ADK: variants seen among roughly 807,000 people sequenced by gnomAD.
ADK encodes adenosine kinase, also known as N6,N6-dimethyladenosine kinase.
A neutral mutation model predicts 44.7 loss-of-function variants in ADK; 24 were observed. That is an observed-to-expected ratio of 0.54 (90% CI 0.39 to 0.76). The LOEUF is 0.76. Among genes scored for constraint, ADK ranks in the 30% least tolerant of loss-of-function variants. The pLI, the probability that ADK is intolerant of heterozygous loss-of-function variation, is 0.00. For missense variants in ADK, 321 were observed against 425.1 expected (o/e 0.76, Z 2.15); for synonymous variants, 128 against 142.6 (o/e 0.90, Z 0.73).
intron 4 of ADK, among the ~76,000 whole-genome samples, chr10:74,332,687 T>C (rs1036293173): frequency 3.9e-5 from 6 of 152,172 alleles, no homozygotes; most frequent in Non-Finnish European, 7.4e-5. Context: ...GAACAAAATA[T>C]TGCACAACAA....
intron 6 of ADK, among the ~76,000 whole-genome samples, chr10:74,400,085 C>T (rs10740432): frequency 0.65 from 98,561 of 151,910 alleles, 33,246 homozygotes; most frequent in Middle Eastern, 0.8. Context: ...TGGAGTTTTA[C>T]AGTAGTATTA....
chr10:74,504,343 A>G (rs964021965), intron 6 of ADK, among the ~76,000 whole-genome samples: 3 of 152,004 alleles, frequency 2.0e-5, no homozygotes, highest in African/African-American at 7.2e-5. Context: ...ATAAGCATAC[A>G]TATTCATTTA....
intron 3 of ADK, among the ~76,000 whole-genome samples, chr10:74,296,386 A>G (rs1564638653): frequency 2.0e-5 from 3 of 152,148 alleles, no homozygotes; most frequent in South Asian, 4.1e-4. Flanking sequence ...AAAAGTTAAT[A>G]TTAATGGCAG....
At chr10:74,176,615 C>G in intron 1 of ADK, 1 of 1,391,806 alleles carries the variant, frequency 7.2e-7, no homozygotes, top group South Asian at 1.6e-5. Context: ...CGCCAGTGAG[C>G]TGGCACGAGA....
intron 10 of ADK, among the ~76,000 whole-genome samples, chr10:74,707,690 G>A (rs2131803630): frequency 6.6e-6 from 1 of 150,784 alleles, no homozygotes; most frequent in South Asian, 2.1e-4. Flanking sequence ...TTGAACCTGG[G>A]AGGCAGAGAT....
intron 6 of ADK, among the ~76,000 whole-genome samples, chr10:74,468,948 GGTGT>G (rs1380830764): frequency 6.6e-6 from 1 of 151,732 alleles, no homozygotes; most frequent in Non-Finnish European, 1.5e-5. Context: ...CTAGACAAGG[GGTGT>G]GTGTGTATGT....
intron 9 of ADK, among the ~76,000 whole-genome samples, chr10:74,650,420 G>A (rs527258615): frequency 6.6e-6 from 1 of 152,138 alleles, no homozygotes; most frequent in South Asian, 2.1e-4. Context: ...CTCAAAAAAA[G>A]TAATAATAAT....
chr10:74,192,473 G>A (rs1245908327), intron 1 of ADK, among the ~76,000 whole-genome samples: 2 of 151,270 alleles, frequency 1.3e-5, no homozygotes, highest in African/African-American at 2.4e-5. Context: ...TGATCCGCCC[G>A]CCTCGGCCTC....
chr10:74,408,368 C>T (rs1348862366), intron 6 of ADK, among the ~76,000 whole-genome samples: 1 of 152,162 alleles, frequency 6.6e-6, no homozygotes, highest in East Asian at 1.9e-4. Context: ...ACAATGTATT[C>T]ATTTTAAACT....
At chr10:74,566,991 T>C (rs1449405430) in intron 7 of ADK, among the ~76,000 whole-genome samples, 3 of 152,348 alleles carry the variant, frequency 2.0e-5, no homozygotes. Flanking sequence ...CATTGAATTT[T>C]AGAGTTAGAA....
intron 1 of ADK, chr10:74,176,737 C>A: frequency 1.3e-6 from 2 of 1,512,218 alleles, no homozygotes; most frequent in South Asian, 1.2e-5. Context: ...GCCGCCCGCG[C>A]GCGGGGTGTG....
At chr10:74,470,875 C>CT (rs763719333) in intron 6 of ADK, among the ~76,000 whole-genome samples, 14 of 151,850 alleles carry the variant, frequency 9.2e-5, no homozygotes, top group Non-Finnish European at 2.1e-4. Flanking sequence ...TGCTGTGAAA[C>CT]TTTTTTCTCC....
chr10:74,618,620 T>C (rs1852865350), intron 9 of ADK, among the ~76,000 whole-genome samples: 1 of 152,182 alleles, frequency 6.6e-6, no homozygotes, highest in African/African-American at 2.4e-5. Flanking sequence ...TCTGAAAGTT[T>C]CCTTTTGCCT....
intron 4 of ADK, among the ~76,000 whole-genome samples, chr10:74,385,616 A>G (rs540396653): frequency 6.6e-6 from 1 of 152,332 alleles, no homozygotes; most frequent in South Asian, 2.1e-4. Context: ...ATGAATATAC[A>G]CTAAAAATTC....
chr10:74,442,736 A>G (rs943306703), intron 6 of ADK, among the ~76,000 whole-genome samples: 3 of 152,316 alleles, frequency 2.0e-5, no homozygotes, highest in Non-Finnish European at 4.4e-5. Flanking sequence ...CATTATTCAC[A>G]ATAGTCAAAA....
intron 6 of ADK, among the ~76,000 whole-genome samples, chr10:74,411,273 G>T (rs1844166961): frequency 6.6e-6 from 1 of 152,138 alleles, no homozygotes. Flanking sequence ...TTTCATGTTG[G>T]TGTAAAATTC....
At chr10:74,638,063 A>G (rs1345534219) in intron 9 of ADK, among the ~76,000 whole-genome samples, 2 of 152,226 alleles carry the variant, frequency 1.3e-5, no homozygotes. Context: ...TAAAGAAGAG[A>G]TGGCCATTTA....
At chr10:74,504,233 T>G (rs537682906) in intron 6 of ADK, among the ~76,000 whole-genome samples, 32 of 152,254 alleles carry the variant, frequency 2.1e-4, no homozygotes, top group Middle Eastern at 3.4e-3. Flanking sequence ...TGTTGTTGTT[T>G]TTTTTTTAAT....
chr10:74,277,660 A>T (rs891924230), intron 3 of ADK, among the ~76,000 whole-genome samples: 6 of 152,070 alleles, frequency 3.9e-5, no homozygotes, highest in African/African-American at 1.4e-4. Context: ...CGGCCTCCCA[A>T]AGTGCTGGGA....
Sources: allele counts gnomAD v4.1 joint callset (sites outside exome capture counted in the v4.1 genomes callset), GRCh38; gene constraint gnomAD v4.1.1; transcripts MANE v1.5; gene names NCBI Gene and HGNC (gene_info 2026-07-23, HGNC 2026-07-21).